TDRP: variants seen among roughly 807,000 people sequenced by gnomAD.
TDRP encodes the protein testis development related protein, also known as testis development-related protein.
A neutral mutation model predicts 10.5 loss-of-function variants in TDRP; 12 were observed. The observed-to-expected ratio is 1.15, with a 90% confidence interval of 0.73 to 1.86. The LOEUF is 1.86. Among genes scored for constraint, TDRP ranks in the 40% most tolerant of loss-of-function variants. The pLI is 0.00. For missense variants in TDRP, 353 were observed against 229.2 expected, an observed-to-expected ratio of 1.54 and a Z score of -3.49; for synonymous variants, 139 against 95.4, an observed-to-expected ratio of 1.46 and a Z score of -2.67.
intron 1 of TDRP, among the ~76,000 whole-genome samples, chr8:519,878 G>C (rs1213062891): frequency 2.0e-5 from 3 of 152,204 alleles, no homozygotes; most frequent in East Asian, 1.9e-4. Flanking sequence ...ACTGTGGCCA[G>C]AGGTGTCTGA....
At chr8:514,098 T>G (rs1301762193) in intron 1 of TDRP, among the ~76,000 whole-genome samples, 4 of 152,186 alleles carry the variant, frequency 2.6e-5, no homozygotes, top group Non-Finnish European at 5.9e-5. Flanking sequence ...GAGCTGACTC[T>G]AAGATGCATA....
chr8:527,302 G>T (rs571951789), intron 1 of TDRP, among the ~76,000 whole-genome samples: 67 of 152,204 alleles, frequency 4.4e-4, no homozygotes, highest in African/African-American at 1.5e-3. Context: ...CATGTTCATG[G>T]ACTGGAAGAG....
In TDRP at chr8:490,255, G is replaced by C. The variant is rs1800931637; in HGVS notation, c.*2144C>G. On this transcript the variant is annotated 3_prime_UTR_variant, in exon 3 of 3. Transcript: ENST00000324079. ...ACCACAGTTAATTTAATCAGGCACAGAAGAAAAAATCATTTTTACATTAGT... is the reference window on the plus strand; with the variant it reads ...ACCACAGTTAATTTAATCAGGCACACAAGAAAAAATCATTTTTACATTAGT... The C allele has an allele frequency of 6.6e-6, 1 of 152,192 alleles. No individual in the cohort carries two copies. Among genetic ancestry groups the C allele is most frequent in the South Asian group, 2.1e-4 (1 of 4,818 alleles). 9.4% of individuals were successfully genotyped at this position (152,192 alleles called of 1,614,324 possible).
chr8:528,392 G>GTGATGGATACCTCATTTACTC (rs1554464175), intron 1 of TDRP, among the ~76,000 whole-genome samples: 1 of 150,770 alleles, frequency 6.6e-6, no homozygotes, highest in Non-Finnish European at 1.5e-5. Context: ...ATAGGATCCA[G>GTGATGGATACCTCATTTACTC]CAATCCCACT....
At chr8:510,234 T>A (rs1563121845) in intron 1 of TDRP, among the ~76,000 whole-genome samples, 1 of 152,136 alleles carries the variant, frequency 6.6e-6, no homozygotes, top group Non-Finnish European at 1.5e-5. Context: ...TCCTCTCTTA[T>A]CCCCAGAAGT....
chr8:529,854 T>G (rs1254456245), intron 1 of TDRP, among the ~76,000 whole-genome samples: 1 of 152,334 alleles, frequency 6.6e-6, no homozygotes, highest in Non-Finnish European at 1.5e-5. Flanking sequence ...GTGGGCTTCT[T>G]TACCCTTTCT....
At chr8:515,454 G>C (rs1037987657) in intron 1 of TDRP, among the ~76,000 whole-genome samples, 4 of 152,164 alleles carry the variant, frequency 2.6e-5, no homozygotes, top group Non-Finnish European at 5.9e-5. Context: ...TGAAATATTT[G>C]CATTATACCA....
At chr8:509,233 G>A (rs947123396) in intron 1 of TDRP, among the ~76,000 whole-genome samples, 1 of 152,162 alleles carries the variant, frequency 6.6e-6, no homozygotes, top group Admixed American at 6.5e-5. Context: ...ATCTGAGGAT[G>A]GTGGCCCTTT....
chr8:536,484 G>A (rs1183217550), intron 1 of TDRP, among the ~76,000 whole-genome samples: 2 of 152,176 alleles, frequency 1.3e-5, no homozygotes, highest in Non-Finnish European at 2.9e-5. Context: ...AAAGCAACCT[G>A]TTTTTTCACC....
intron 1 of TDRP, among the ~76,000 whole-genome samples, chr8:496,807 G>A (rs980295162): frequency 6.6e-6 from 1 of 152,168 alleles, no homozygotes; most frequent in Non-Finnish European, 1.5e-5. Flanking sequence ...GGATCATGGG[G>A]GCAGATTTTC....
At chr8:544,375 G>A (rs1460954633) in intron 1 of TDRP, among the ~76,000 whole-genome samples, 3 of 152,166 alleles carry the variant, frequency 2.0e-5, no homozygotes, top group East Asian at 3.9e-4. Flanking sequence ...CCCTGCAAGC[G>A]GCGAGAACGC....
At chr8:500,153 C>T (rs948773748) in intron 1 of TDRP, among the ~76,000 whole-genome samples, 4 of 152,188 alleles carry the variant, frequency 2.6e-5, no homozygotes, top group Non-Finnish European at 4.4e-5. Context: ...AAGTAAGTTC[C>T]TGCACAAAAC....
At chr8:507,899 C>T (rs1371820147) in intron 1 of TDRP, among the ~76,000 whole-genome samples, 1 of 152,128 alleles carries the variant, frequency 6.6e-6, no homozygotes, top group South Asian at 2.1e-4. Flanking sequence ...TTCACCTGTA[C>T]TATTTAACTT....
intron 2 of TDRP, 127 bp from the exon 3 acceptor site, chr8:492,871 T>C (rs2116706590): frequency 2.6e-6 from 2 of 760,148 alleles, no homozygotes; most frequent in Non-Finnish European, 2.0e-6. Flanking sequence ...CAAGTCTATA[T>C]GAAAAGTTTC....
intron 1 of TDRP, among the ~76,000 whole-genome samples, chr8:510,009 C>T (rs903974069): frequency 3.3e-5 from 5 of 152,088 alleles, no homozygotes; most frequent in African/African-American, 7.2e-5. Flanking sequence ...GACAGAGCAA[C>T]CGAATTTAGA....
At chr8:495,377 T>TGGAGACAGTGACCC (rs1205156577) in intron 1 of TDRP, among the ~76,000 whole-genome samples, 1 of 152,248 alleles carries the variant, frequency 6.6e-6, no homozygotes, top group Non-Finnish European at 1.5e-5. Flanking sequence ...AGCATCTCCA[T>TGGAGACAGTGACCC]GGAGACAGTG....
At chr8:507,358 A>G (rs1801494589) in intron 1 of TDRP, among the ~76,000 whole-genome samples, 1 of 152,158 alleles carries the variant, frequency 6.6e-6, no homozygotes, top group Non-Finnish European at 1.5e-5. Context: ...GAACTAGGGA[A>G]TAAGACAGCT....
intron 1 of TDRP, among the ~76,000 whole-genome samples, chr8:541,901 G>A (rs796562061): frequency 5.5e-4 from 83 of 152,218 alleles, no homozygotes; most frequent in African/African-American, 1.8e-3. Flanking sequence ...AGGCTCCTAG[G>A]TATTTACCCA....
chr8:494,294 C>T (rs1363964850), intron 2 of TDRP, among the ~76,000 whole-genome samples, 200 bp downstream of exon 2: 2 of 152,142 alleles, frequency 1.3e-5, no homozygotes, highest in African/African-American at 4.8e-5. Flanking sequence ...TGGATGTTAA[C>T]TCCGAAGCAC....
Sources: allele counts gnomAD v4.1 joint callset (sites outside exome capture counted in the v4.1 genomes callset), GRCh38; gene constraint gnomAD v4.1.1; transcripts MANE v1.5; gene names NCBI Gene and HGNC (gene_info 2026-07-23, HGNC 2026-07-21).